PEMT: variants seen among roughly 807,000 people sequenced by gnomAD.
PEMT encodes phosphatidylethanolamine N-methyltransferase, also known as phospholipid methyltransferase.
A neutral mutation model predicts 27.4 loss-of-function variants in PEMT; 23 were observed. The ratio of observed to expected loss-of-function variants is 0.84; its 90% CI spans 0.60 to 1.19. The LOEUF (loss-of-function observed/expected upper bound fraction) is 1.19, where lower values mean the gene tolerates loss of function less well. Among genes scored for constraint, PEMT ranks in the 50% most tolerant of loss-of-function variants. The pLI, the probability that PEMT is intolerant of heterozygous loss-of-function variation, is 0.00. For missense variants in PEMT, 307 were observed against 310.1 expected (o/e 0.99, Z 0.07); for synonymous variants, 137 against 139.1 (o/e 0.98, Z 0.11).
chr17:17,576,865 G>A lies in PEMT; in HGVS notation c.204+55C>T, dbSNP rs908228084. ...AACCACCGCGATCCCCTGCATGTGG[G>A]GCTCACCAAGCAGTGAGATACTCCC... On this transcript the variant is annotated intron_variant, in intron 2 of 6. Coordinates refer to ENST00000255389, the MANE Select transcript of PEMT (RefSeq NM_148172.3). 4.3e-6 allele frequency: 6 copies of A among 1,397,786 alleles called. No homozygotes were observed. The African/African-American group carries it at 5.7e-5, about 13-fold the overall frequency. The allele number at this position is 1,397,786 out of a possible 1,614,324, so 86.6% of individuals were successfully genotyped here.
chr17:17,587,853 A>G (rs1173662796), intron 1 of PEMT, among the ~76,000 whole-genome samples: 1 of 152,170 alleles, frequency 6.6e-6, no homozygotes, highest in Non-Finnish European at 1.5e-5. Context: ...TCCTGAGTAC[A>G]TGCCTGAGCA....
At chr17:17,591,985 C>T, upstream of PEMT, 2 of 985,462 alleles carry the variant, frequency 2.0e-6, no homozygotes, top group Non-Finnish European at 2.4e-6. Context: ...CCTGCCCTTG[C>T]CTGGCGGCGG....
intron 2 of PEMT, among the ~76,000 whole-genome samples, chr17:17,536,595 G>A (rs980746909): frequency 2.0e-5 from 3 of 152,246 alleles, no homozygotes; most frequent in African/African-American, 7.2e-5. Flanking sequence ...ACCAGCAAAG[G>A]TGACCTCATG....
rs1555546166 is a variant in PEMT, at chr17:17,586,260, G to GAAAGAAAT, written c.96+5270_96+5271insATTTCTTT. ...AGAAAGAAAGAAAGAAAGAAAGAAA[G>GAAAGAAAT]AAAGAAAGAAAGAAAGAAAGAAAGA... On this transcript the variant is annotated intron_variant, in intron 1 of 6. Coordinates refer to ENST00000255389, the MANE Select transcript of PEMT (RefSeq NM_148172.3). Among the ~76,000 whole-genome samples, 608 of 107,432 alleles carry GAAAGAAAT rather than the reference G, an allele frequency of 5.7e-3. 7 individuals are homozygous for GAAAGAAAT. Among genetic ancestry groups the GAAAGAAAT allele is most frequent in the Non-Finnish European group, 9.2e-3 (499 of 54,182 alleles). The allele number at this position is 107,432 out of a possible 152,430, so 70.5% of individuals were successfully genotyped here.
intron 3 of PEMT, among the ~76,000 whole-genome samples, 169 bp downstream of exon 3, chr17:17,522,109 GTC>G (rs1567677773): frequency 6.6e-6 from 1 of 152,220 alleles, no homozygotes; most frequent in East Asian, 1.9e-4. Flanking sequence ...GCTGGCCAGA[GTC>G]TAAACGGCTG....
At chr17:17,537,432 C>G (rs1257756486) in intron 2 of PEMT, among the ~76,000 whole-genome samples, 1 of 152,220 alleles carries the variant, frequency 6.6e-6, no homozygotes, top group Non-Finnish European at 1.5e-5. Flanking sequence ...GAGGCCAGCT[C>G]CAGCCCAACA....
At chr17:17,546,025 C>G (rs533588022) in intron 2 of PEMT, among the ~76,000 whole-genome samples, 1 of 152,312 alleles carries the variant, frequency 6.6e-6, no homozygotes, top group South Asian at 2.1e-4. Flanking sequence ...TGCCTGGGCT[C>G]ACTCCCAGCA....
chr17:17,527,514 T>G (rs903149032), intron 2 of PEMT, among the ~76,000 whole-genome samples: 4 of 152,234 alleles, frequency 2.6e-5, no homozygotes, highest in African/African-American at 9.6e-5. Flanking sequence ...GGCAGGTTAT[T>G]TCCTTTCTCT....
At chr17:17,541,707 G>C (rs1167356881) in intron 2 of PEMT, among the ~76,000 whole-genome samples, 1 of 152,262 alleles carries the variant, frequency 6.6e-6, no homozygotes, top group African/African-American at 2.4e-5. Flanking sequence ...CTGAGCTTCA[G>C]AGATGAAGCA....
At chr17:17,591,343 ACACG>A in intron 1 of PEMT, 184 bp downstream of exon 1, 1 of 567,924 alleles carries the variant, frequency 1.8e-6, no homozygotes, top group East Asian at 3.1e-5. Context: ...ACGCGCGCGC[ACACG>A]CACACACACA....
intron 2 of PEMT, among the ~76,000 whole-genome samples, chr17:17,557,135 C>T (rs1910109655): frequency 6.6e-6 from 1 of 152,198 alleles, no homozygotes; most frequent in Non-Finnish European, 1.5e-5. Context: ...GGAGCCTCTG[C>T]ACTCAGCAAT....
At chr17:17,509,378 A>G in intron 5 of PEMT, 56 bp downstream of exon 5, 1 of 1,182,218 alleles carries the variant, frequency 8.5e-7, no homozygotes, top group Non-Finnish European at 1.3e-6. Flanking sequence ...GAGCTGCACC[A>G]GCTCCTCTCC....
chr17:17,538,989 C>A (rs1908693388), intron 2 of PEMT, among the ~76,000 whole-genome samples: 1 of 152,174 alleles, frequency 6.6e-6, no homozygotes, highest in Non-Finnish European at 1.5e-5. Flanking sequence ...AGTAGTAGGA[C>A]CCACTGTCAG....
At chr17:17,570,435 TGACATCTAGTGGGCAGA>T (rs746366336) in intron 2 of PEMT, 7 of 836,138 alleles carry the variant, frequency 8.4e-6, no homozygotes, top group Non-Finnish European at 1.0e-5. Context: ...GGGGTACTAC[TGACATCTAGTGGGCAGA>T]GGCCGGGGAC....
At chr17:17,528,150 G>A (rs1907828714) in intron 2 of PEMT, among the ~76,000 whole-genome samples, 1 of 152,210 alleles carries the variant, frequency 6.6e-6, no homozygotes. Context: ...AGAGGACGTG[G>A]GCCGTGCGCC....
At chr17:17,583,205 C>A (rs12325817) in intron 1 of PEMT, among the ~76,000 whole-genome samples, 1 of 151,836 alleles carries the variant, frequency 6.6e-6, no homozygotes, top group South Asian at 2.1e-4. Context: ...GGTGACACTC[C>A]GTCTCTACTA....
At chr17:17,514,363 T>C (rs369274293) in intron 3 of PEMT, among the ~76,000 whole-genome samples, 5 of 152,342 alleles carry the variant, frequency 3.3e-5, no homozygotes, top group South Asian at 4.1e-4. Context: ...GGATGTTTAG[T>C]GCATATTCAT....
chr17:17,586,280 GAAAGAAAGAAAAAAAA>G (rs1174780303), intron 1 of PEMT, among the ~76,000 whole-genome samples: 6 of 92,356 alleles, frequency 6.5e-5, no homozygotes, highest in African/African-American at 2.9e-4. Flanking sequence ...AAGAAAGAAA[GAAAGAAAGAAAAAAAA>G]AAACGCAGGT....
chr17:17,539,776 A>G (rs4646390), intron 2 of PEMT, among the ~76,000 whole-genome samples: 97,150 of 152,172 alleles, frequency 0.64, 32,025 homozygotes, highest in African/African-American at 0.8. Flanking sequence ...GCTGAGAAGT[A>G]TCAAGGCATC....
Sources: allele counts gnomAD v4.1 joint callset (sites outside exome capture counted in the v4.1 genomes callset), GRCh38; gene constraint gnomAD v4.1.1; transcripts MANE v1.5; gene names NCBI Gene and HGNC (gene_info 2026-07-23, HGNC 2026-07-21).